Variants in ARHGAP29 observed in about 807,000 individuals in gnomAD.
ARHGAP29 encodes the protein rho GTPase-activating protein 29.
ARHGAP29 carries 43 observed loss-of-function variants against 122.6 expected under a neutral mutation model. That is an observed-to-expected ratio of 0.35 (90% confidence interval 0.27 to 0.45). The LOEUF (loss-of-function observed/expected upper bound fraction) is 0.45. Among genes scored for constraint, ARHGAP29 ranks in the 20% least tolerant of loss-of-function variants. The pLI, the probability that ARHGAP29 is intolerant of heterozygous loss-of-function variation, is 1.00. For missense variants in ARHGAP29, 1,303 were observed against 1,477.2 expected, an observed-to-expected ratio of 0.88 and a Z score of 1.93; for synonymous variants, 506 against 497.1, an observed-to-expected ratio of 1.02 and a Z score of -0.24.
rs145019704 is a variant in ARHGAP29 at position 94,207,307 on chromosome 1, T to G, written c.510+1525A>C. On this transcript the variant is annotated intron_variant, in intron 5 of 22. Coordinates refer to ENST00000260526, the MANE Select transcript of ARHGAP29 (RefSeq NM_004815.4). ...ACAGGTATGAGCCACCATGCCCTAT[T>G]ATTTTTAAAGGGTATTTTTCAAAAC... Among the ~76,000 whole-genome samples, 195 of 152,228 alleles carry G rather than the reference T, an allele frequency of 1.3e-3. 1 individual carries two copies. Among genetic ancestry groups the G allele is most frequent in the Non-Finnish European group, 1.6e-3 (106 of 68,010 alleles).
chr1:94,273,799 T>C (rs915779456), intron 1 of ARHGAP29, among the ~76,000 whole-genome samples: 2 of 152,042 alleles, frequency 1.3e-5, no homozygotes, highest in Non-Finnish European at 2.9e-5. Flanking sequence ...CAAAACCTGA[T>C]TGAACCCTAA....
chr1:94,295,445 A>G, the ARHGAP29 span, among the ~76,000 whole-genome samples: 1 of 152,180 alleles, frequency 6.6e-6, no homozygotes, highest in African/African-American at 2.4e-5. Context: ...AAAAGCACAC[A>G]TTGATAAGAA....
chr1:94,174,295 A>G lies in ARHGAP29; in HGVS notation c.3360T>C (p.Asn1120=), dbSNP rs1317675982. Residue 1120 remains asparagine, a synonymous_variant, in exon 23 of 23, where the codon AAT becomes AAC. Transcript: ENST00000260526. Reference sequence around the variant, plus strand: ...CATATGGCTTACTGGGTTGAGTGGCATTGATAGAATGGTCCCCACTAATCT... The same window carrying G: ...CATATGGCTTACTGGGTTGAGTGGCGTTGATAGAATGGTCCCCACTAATCT... ...SLQISGDHSI[N]ATQPSKPYAE... 2 of 1,614,048 alleles carry G rather than the reference A, an allele frequency of 1.2e-6. No homozygotes were observed. Among genetic ancestry groups the G allele is most frequent in the Admixed American group, 3.3e-5 (2 of 59,992 alleles).
chr1:94,252,253 T>C (rs905815209), intron 1 of ARHGAP29, among the ~76,000 whole-genome samples: 2 of 152,212 alleles, frequency 1.3e-5, no homozygotes, highest in African/African-American at 4.8e-5. Context: ...TCAAGAATCT[T>C]ACATTATAAA....
intron 22 of ARHGAP29, among the ~76,000 whole-genome samples, chr1:94,175,214 T>C (rs536079629): frequency 2.0e-5 from 3 of 152,210 alleles, no homozygotes; most frequent in Admixed American, 6.5e-5. Context: ...GAGCATATGA[T>C]ATTAGATGCC....
chr1:94,204,013 G>T lies in ARHGAP29; in HGVS notation c.698-19C>A. The T allele has an allele frequency of 6.2e-7, 1 of 1,600,500 alleles. No homozygotes were observed. Among genetic ancestry groups the T allele is most frequent in the Non-Finnish European group, 8.6e-7 (1 of 1,168,788 alleles). On this transcript the variant is annotated intron_variant, in intron 7 of 22. Transcript: ENST00000260526. ...TCCAATTCTGAAAAGTTCAAAGAGG[G>T]TATCAGAAGGTAAAATCAATTTATT...
intron 22 of ARHGAP29, chr1:94,177,133 C>T (rs145986104): frequency 6.6e-6 from 1 of 152,244 alleles, no homozygotes; most frequent in Non-Finnish European, 1.5e-5. Flanking sequence ...AAAAGACATA[C>T]ACATCTCTGT....
chr1:94,260,596 T>C (rs1056163746), intron 1 of ARHGAP29, among the ~76,000 whole-genome samples: 6 of 152,138 alleles, frequency 3.9e-5, no homozygotes, highest in African/African-American at 1.4e-4. Flanking sequence ...CCTTCTGTCT[T>C]GGAGAGTTTA....
At chr1:94,254,243 C>T (rs543839833) in intron 1 of ARHGAP29, among the ~76,000 whole-genome samples, 175 of 152,208 alleles carry the variant, frequency 1.1e-3, no homozygotes, top group Non-Finnish European at 1.8e-3. Flanking sequence ...TTCTTGATGA[C>T]GTATTTAGTT....
chr1:94,268,790 GATATAT>G (rs35386303), intron 1 of ARHGAP29, among the ~76,000 whole-genome samples: 98 of 150,466 alleles, frequency 6.5e-4, no homozygotes, highest in African/African-American at 2.3e-3. Context: ...GGCTCAAGAA[GATATAT>G]ATATATATAT....
At chr1:94,241,648 ATATATCT>A (rs1183375060), upstream of ARHGAP29, among the ~76,000 whole-genome samples, 1 of 143,794 alleles carries the variant, frequency 7.0e-6, no homozygotes, top group Non-Finnish European at 1.5e-5. Context: ...ATAATTATAT[ATATATCT>A]TATATATATA....
intron 5 of ARHGAP29, 130 bp from the exon 6 acceptor site, chr1:94,205,813 G>A: frequency 1.4e-6 from 1 of 733,342 alleles, no homozygotes; most frequent in Non-Finnish European, 2.3e-6. Context: ...AAAACTTAAA[G>A]GCCTTAGAAG....
rs1466266141 is a variant in ARHGAP29 at position 94,270,813 on chromosome 1, C to T, written c.-33+4199G>A. Among the ~76,000 whole-genome samples, 3 of 152,206 alleles carry T rather than the reference C, an allele frequency of 2.0e-5. No homozygotes were observed. The East Asian group carries it at 5.8e-4, about 29-fold the overall frequency. On this transcript the variant is annotated intron_variant and NMD_transcript_variant, in intron 1 of 25. Coordinates refer to the ARHGAP29 transcript ENST00000552844. ...AGACAACAAAGAAAGTAAATTTTCC[C>T]AATGGGCAGAGCTGCCAAGCAGTGT...
At chr1:94,313,394 A>G in the ARHGAP29 span, among the ~76,000 whole-genome samples, 1 of 152,122 alleles carries the variant, frequency 6.6e-6, no homozygotes, top group Non-Finnish European at 1.5e-5. Flanking sequence ...ACTTGTTCCT[A>G]TTTGATATTA....
In ARHGAP29 at chr1:94,174,790, T is replaced by G. The variant is rs1026268853; in HGVS notation, c.2906-41A>C. On this transcript the variant is annotated intron_variant, in intron 22 of 22. Coordinates refer to ENST00000260526, the MANE Select transcript of ARHGAP29 (RefSeq NM_004815.4). ...ATCTATTTAAGTTTGTGGCACATGG[T>G]TAATAAGAGAGTTTGAATGAGTTAG... 3.8e-6 allele frequency: 6 copies of G among 1,581,994 alleles called. No homozygotes were observed. In the African/African-American group the frequency reaches 8.2e-5, roughly 21 times the overall value.
chr1:94,256,807 C>G (rs893466009), intron 1 of ARHGAP29, among the ~76,000 whole-genome samples: 1 of 151,778 alleles, frequency 6.6e-6, no homozygotes, highest in Non-Finnish European at 1.5e-5. Flanking sequence ...ATCCGCCCGC[C>G]TCAGCCTCTC....
At chr1:94,307,464 T>A in the ARHGAP29 span, among the ~76,000 whole-genome samples, 1 of 152,138 alleles carries the variant, frequency 6.6e-6, no homozygotes, top group Non-Finnish European at 1.5e-5. Flanking sequence ...TTATAAACAC[T>A]GTCCAGAAAA....
At chr1:94,236,485 A>G (rs1214296183) in intron 1 of ARHGAP29, among the ~76,000 whole-genome samples, 1 of 152,208 alleles carries the variant, frequency 6.6e-6, no homozygotes, top group African/African-American at 2.4e-5. Context: ...CAAGAGATAC[A>G]GTCACAGAGA....
At chr1:94,293,588 G>A in the ARHGAP29 span, among the ~76,000 whole-genome samples, 1 of 152,178 alleles carries the variant, frequency 6.6e-6, no homozygotes, top group Admixed American at 6.5e-5. Context: ...CTGTAGACCA[G>A]AGCTGTTCCT....
Sources: gnomAD v4.1 joint callset for allele counts (sites outside exome capture counted in the v4.1 genomes callset) on GRCh38, gnomAD v4.1.1 for gene constraint, MANE v1.5 for transcripts, NCBI Gene and HGNC (gene_info 2026-07-23, HGNC 2026-07-21) for gene names.